The following ITFG1 variants were observed in gnomAD, a reference collection of about 807,000 sequenced individuals.
ITFG1 encodes T-cell immunomodulatory protein.
ITFG1 carries 34 observed loss-of-function variants against 81.8 expected under a neutral mutation model. The observed-to-expected ratio is 0.42, with a 90% CI of 0.32 to 0.55. The LOEUF is 0.55. ITFG1 is among the 20% of genes least tolerant of loss of function. The probability of loss-of-function intolerance (pLI) is 0.17; values close to 1 mark genes in which losing one functional copy is unlikely to be tolerated. For missense variants in ITFG1, 672 were observed against 755.4 expected (o/e 0.89, Z 1.29); for synonymous variants, 285 against 270.6 (o/e 1.05, Z -0.52).
intron 14 of ITFG1, among the ~76,000 whole-genome samples, chr16:47,171,199 G>T (rs1964956632): frequency 6.6e-6 from 1 of 151,728 alleles, no homozygotes; most frequent in African/African-American, 2.4e-5. Context: ...GTAGAGACAA[G>T]GACTCACTGT....
intron 6 of ITFG1, among the ~76,000 whole-genome samples, chr16:47,409,396 A>ATTTTT (rs1968775533): frequency 2.0e-4 from 3 of 15,120 alleles, no homozygotes; most frequent in African/African-American, 9.4e-4. Context: ...ATATATATAT[A>ATTTTT]TATATATATT....
chr16:47,375,963 C>T (rs755683547), intron 6 of ITFG1, 23 bp from the exon 7 acceptor site: 78 of 1,528,718 alleles, frequency 5.1e-5, no homozygotes, highest in Admixed American at 1.5e-4. Flanking sequence ...ATAATAAAAA[C>T]GTAAAGTTTT....
chr16:47,412,611 T>C (rs931671791), intron 6 of ITFG1, among the ~76,000 whole-genome samples: 1 of 151,326 alleles, frequency 6.6e-6, no homozygotes, highest in African/African-American at 2.4e-5. Flanking sequence ...TGAGAATCAC[T>C]TGAACCCAAG....
At chr16:47,188,114 C>T (rs1210334659) in intron 14 of ITFG1, among the ~76,000 whole-genome samples, 1 of 150,716 alleles carries the variant, frequency 6.6e-6, no homozygotes, top group African/African-American at 2.4e-5. Flanking sequence ...CAGGAAACAA[C>T]AGGTGCTGGA....
At position 47,161,935 on chromosome 16, in the gene ITFG1, A is replaced by T; in HGVS notation, c.1579-103T>A. ...AATCTAGCTACTTTGAGAAATTCAA[A>T]TTCTAGGTATGGATTAAGCTATGTT... On this transcript the variant is annotated intron_variant, in intron 15 of 17. Transcript: ENST00000320640. The T allele has an allele frequency of 5.4e-6, 4 of 745,566 alleles. No individual in the cohort carries two copies. The South Asian group carries it at 7.0e-5, about 13-fold the overall frequency. The allele number at this position is 745,566 out of a possible 1,614,324, so 46.2% of individuals were successfully genotyped here.
At chr16:47,386,991 T>C (rs1023577216) in intron 6 of ITFG1, among the ~76,000 whole-genome samples, 3 of 152,232 alleles carry the variant, frequency 2.0e-5, no homozygotes, top group African/African-American at 7.2e-5. Flanking sequence ...ATAACCTTCC[T>C]GAAGTCTGGA....
At chr16:47,348,226 G>A (rs1328972274) in intron 8 of ITFG1, among the ~76,000 whole-genome samples, 2 of 152,314 alleles carry the variant, frequency 1.3e-5, no homozygotes, top group South Asian at 2.1e-4. Context: ...ACTTTGACGA[G>A]TTAAGAGAAG....
At chr16:47,451,337 T>C (rs887791486) in intron 5 of ITFG1, 59 bp downstream of exon 5, 111 of 913,762 alleles carry the variant, frequency 1.2e-4, no homozygotes, top group Non-Finnish European at 1.4e-4. Context: ...TTTTCTCCAA[T>C]GGTTAAAGTA....
intron 6 of ITFG1, among the ~76,000 whole-genome samples, chr16:47,382,035 G>A (rs1968402342): frequency 6.6e-6 from 1 of 152,192 alleles, no homozygotes; most frequent in African/African-American, 2.4e-5. Flanking sequence ...TGACCAGAGG[G>A]ACAGAATTAA....
chr16:47,429,463 T>C (rs1171450811), intron 5 of ITFG1, among the ~76,000 whole-genome samples: 2 of 152,234 alleles, frequency 1.3e-5, no homozygotes, highest in Non-Finnish European at 2.9e-5. Flanking sequence ...AGGAGTGGAA[T>C]TGTTGGGTCA....
chr16:47,379,396 T>C (rs1968366798), intron 6 of ITFG1, among the ~76,000 whole-genome samples: 1 of 151,952 alleles, frequency 6.6e-6, no homozygotes, highest in South Asian at 2.1e-4. Context: ...GACACTAAGA[T>C]GAGATTCTGG....
At chr16:47,443,533 TG>T (rs1479377174) in intron 5 of ITFG1, among the ~76,000 whole-genome samples, 1 of 151,966 alleles carries the variant, frequency 6.6e-6, no homozygotes, top group African/African-American at 2.4e-5. Context: ...ATTAAGAAAA[TG>T]TGGCACATAT....
intron 10 of ITFG1, among the ~76,000 whole-genome samples, chr16:47,269,242 C>T (rs1247016797): frequency 1.3e-5 from 2 of 152,010 alleles, no homozygotes; most frequent in African/African-American, 2.4e-5. Flanking sequence ...AGTTATATGG[C>T]CATGTACTTA....
At chr16:47,316,134 T>C (rs1390494616) in intron 8 of ITFG1, among the ~76,000 whole-genome samples, 1 of 152,182 alleles carries the variant, frequency 6.6e-6, no homozygotes, top group Non-Finnish European at 1.5e-5. Flanking sequence ...AAATGCTTTT[T>C]GAGAGTACAA....
chr16:47,384,902 G>GT lies in ITFG1; in HGVS notation c.656-8963dup, dbSNP rs1968441263. 3.3e-5 allele frequency among the ~76,000 whole-genome samples: 5 copies of GT among 152,286 alleles called. No individual in the cohort carries two copies. In the South Asian group the frequency reaches 1.0e-3, roughly 32 times the overall value. ...AGACCAGCCTGGCCAATGTGGTGAG[G>GT]TTACTGTCTCTACTACTTCTCTCTA... On this transcript the variant is annotated intron_variant, in intron 6 of 17. Coordinates refer to ENST00000320640, the MANE Select transcript of ITFG1 (RefSeq NM_030790.5).
At chr16:47,229,487 A>G (rs926866803) in intron 13 of ITFG1, among the ~76,000 whole-genome samples, 1 of 152,164 alleles carries the variant, frequency 6.6e-6, no homozygotes, top group Non-Finnish European at 1.5e-5. Context: ...CTATCTCAGG[A>G]AGCTAGATTT....
chr16:47,224,622 A>C (rs1228227606), intron 13 of ITFG1, among the ~76,000 whole-genome samples: 2 of 152,220 alleles, frequency 1.3e-5, no homozygotes, highest in African/African-American at 4.8e-5. Context: ...AGATTTCTGG[A>C]GTTGACGTAT....
At chr16:47,241,601 T>G (rs1054838339) in intron 12 of ITFG1, among the ~76,000 whole-genome samples, 1 of 152,066 alleles carries the variant, frequency 6.6e-6, no homozygotes, top group Non-Finnish European at 1.5e-5. Flanking sequence ...AATAGGCAAA[T>G]CGATGGATAC....
At chr16:47,243,465 A>G (rs566156097) in intron 12 of ITFG1, among the ~76,000 whole-genome samples, 1 of 152,374 alleles carries the variant, frequency 6.6e-6, no homozygotes, top group South Asian at 2.1e-4. Context: ...TGGTGAAAAT[A>G]TAAATCCCTA....
Sources: gnomAD v4.1 joint callset for allele counts (sites outside exome capture counted in the v4.1 genomes callset) on GRCh38, gnomAD v4.1.1 for gene constraint, MANE v1.5 for transcripts, NCBI Gene and HGNC (gene_info 2026-07-23, HGNC 2026-07-21) for gene names.